The following GPD2 variants were observed in gnomAD, a reference collection of about 807,000 sequenced individuals.
GPD2 encodes the protein glycerol-3-phosphate dehydrogenase, mitochondrial.
In GPD2, 54 loss-of-function variants were observed where a neutral mutation model predicts 82.4. The observed-to-expected ratio is 0.66, with a 90% CI of 0.53 to 0.82. The LOEUF is 0.82. Ranked by LOEUF, GPD2 falls within the 40% of genes least tolerant of loss-of-function variation. The probability of loss-of-function intolerance (pLI) is 0.00; values close to 1 mark genes in which losing one functional copy is unlikely to be tolerated. For missense variants in GPD2, 748 were observed against 896.2 expected (o/e 0.83, Z 2.11); for synonymous variants, 288 against 306.1 (o/e 0.94, Z 0.62).
chr2:156,442,963 A>G (rs1682230311), intron 1 of GPD2, among the ~76,000 whole-genome samples: 1 of 152,184 alleles, frequency 6.6e-6, no homozygotes, highest in African/African-American at 2.4e-5. Flanking sequence ...GAATTAATTC[A>G]GAGACTCCTT....
chr2:156,569,255 T>C (rs1687514272), intron 10 of GPD2, 108 bp from the exon 11 acceptor site: 2 of 787,652 alleles, frequency 2.5e-6, no homozygotes, highest in Admixed American at 1.9e-5. Flanking sequence ...AATCCCATGT[T>C]TGTTACAAAC....
the GPD2 span, among the ~76,000 whole-genome samples, chr2:156,418,964 A>G: frequency 4.0e-5 from 6 of 151,662 alleles, no homozygotes; most frequent in African/African-American, 1.5e-4. Context: ...TGGGGTGTGA[A>G]GTAGGGGCAG....
intron 1 of GPD2, among the ~76,000 whole-genome samples, chr2:156,443,508 G>T (rs1044711213): frequency 6.6e-6 from 1 of 152,128 alleles, no homozygotes; most frequent in Non-Finnish European, 1.5e-5. Context: ...TGTATTTCAG[G>T]TAATCTATTC....
At chr2:156,437,786 A>T (rs1384559689) in intron 1 of GPD2, among the ~76,000 whole-genome samples, 1 of 152,164 alleles carries the variant, frequency 6.6e-6, no homozygotes, top group Non-Finnish European at 1.5e-5. Context: ...TCAAAGATGC[A>T]ATGGCTTGGT....
At chr2:156,522,409 A>G (rs996046605) in intron 6 of GPD2, among the ~76,000 whole-genome samples, 1 of 152,206 alleles carries the variant, frequency 6.6e-6, no homozygotes, top group Non-Finnish European at 1.5e-5. Context: ...TTGTTTGAAC[A>G]GATAGTTCTA....
the GPD2 span, among the ~76,000 whole-genome samples, chr2:156,408,445 G>C: frequency 6.6e-6 from 1 of 152,126 alleles, no homozygotes; most frequent in East Asian, 1.9e-4. Flanking sequence ...CTGACTGCAG[G>C]CTGGGTGCAG....
chr2:156,434,470 A>G (rs1248641761), upstream of GPD2, among the ~76,000 whole-genome samples: 1 of 152,166 alleles, frequency 6.6e-6, no homozygotes, highest in Non-Finnish European at 1.5e-5. Context: ...ATTTACATAA[A>G]AAAACAAACT....
At chr2:156,512,625 G>C (rs1229771486) in intron 5 of GPD2, among the ~76,000 whole-genome samples, 2 of 152,178 alleles carry the variant, frequency 1.3e-5, no homozygotes, top group Non-Finnish European at 2.9e-5. Context: ...AGGAACATAA[G>C]AGGATCATGT....
intron 9 of GPD2, among the ~76,000 whole-genome samples, chr2:156,565,713 G>A (rs1687363953): frequency 6.6e-6 from 1 of 152,044 alleles, no homozygotes; most frequent in Admixed American, 6.6e-5. Flanking sequence ...AGTAAAATAT[G>A]CCAGATTAAC....
At chr2:156,488,344 GTTAGTCTTTT>G (rs1684022724) in intron 2 of GPD2, among the ~76,000 whole-genome samples, 1 of 152,102 alleles carries the variant, frequency 6.6e-6, no homozygotes. Flanking sequence ...TATAAATATG[GTTAGTCTTTT>G]TTAGTGACAA....
Position 156,583,768 on chromosome 2 carries a change from G to T in GPD2, c.*850G>T, listed in dbSNP as rs1439769806. 6.6e-6 allele frequency: 1 copy of T among 152,386 alleles called. No homozygotes were observed. The highest frequency in any genetic ancestry group is 1.5e-5 in the Non-Finnish European group (1 of 67,976). The allele number at this position is 152,386 out of a possible 1,614,324, so 9.4% of individuals were successfully genotyped here. A position where few individuals can be genotyped will look rare whatever the true frequency, so the allele number is the denominator to read the frequency against. On this transcript the variant is annotated 3_prime_UTR_variant, in exon 17 of 17. Transcript: ENST00000438166. ...TTAAGTGGCAATTTGGATGTAATAG[G>T]ATGAGACCAAATTTATCTAATTATT...
chr2:156,472,862 G>A (rs1170933842), intron 1 of GPD2, among the ~76,000 whole-genome samples: 1 of 152,128 alleles, frequency 6.6e-6, no homozygotes, highest in Non-Finnish European at 1.5e-5. Flanking sequence ...ACTCAGTCTT[G>A]TTTTCTCACT....
chr2:156,523,673 G>GATAGATAGATAGATAGATAC (rs1685498944), intron 6 of GPD2, among the ~76,000 whole-genome samples: 2 of 107,152 alleles, frequency 1.9e-5, no homozygotes, highest in African/African-American at 7.7e-5. Context: ...TTCTTTTCTA[G>GATAGATAGATAGATAGATAC]ATAGATAGAT....
the GPD2 span, among the ~76,000 whole-genome samples, chr2:156,403,438 A>C: frequency 6.6e-6 from 1 of 152,144 alleles, no homozygotes; most frequent in Non-Finnish European, 1.5e-5. Context: ...AGCTGCCCCA[A>C]CCATCCTATG....
intron 1 of GPD2, among the ~76,000 whole-genome samples, chr2:156,460,952 T>C (rs548516): frequency 0.32 from 48,609 of 152,028 alleles, 9,217 homozygotes; most frequent in Non-Finnish European, 0.44. Context: ...TGTCCTTTTT[T>C]CTATACTTGC....
intron 9 of GPD2, among the ~76,000 whole-genome samples, chr2:156,562,242 T>C (rs1455331401): frequency 1.3e-5 from 2 of 152,324 alleles, no homozygotes; most frequent in East Asian, 3.9e-4. Context: ...TTAGTAGTGT[T>C]TATAGATTGC....
the GPD2 span, among the ~76,000 whole-genome samples, chr2:156,411,283 T>G: frequency 6.6e-6 from 1 of 152,162 alleles, no homozygotes; most frequent in Non-Finnish European, 1.5e-5. Flanking sequence ...TGTATAACTT[T>G]CCAGTCACAT....
chr2:156,474,635 T>G (rs1207473291), intron 1 of GPD2, among the ~76,000 whole-genome samples: 1 of 152,154 alleles, frequency 6.6e-6, no homozygotes, highest in Non-Finnish European at 1.5e-5. Context: ...CGTTTAACAG[T>G]AAAAGCGGAC....
At chr2:156,560,013 A>G (rs1687110536) in intron 9 of GPD2, among the ~76,000 whole-genome samples, 1 of 152,210 alleles carries the variant, frequency 6.6e-6, no homozygotes, top group Non-Finnish European at 1.5e-5. Context: ...CTGGGCCTGA[A>G]GATCAGGAAG....
Sources: allele counts gnomAD v4.1 joint callset (sites outside exome capture counted in the v4.1 genomes callset), GRCh38; gene constraint gnomAD v4.1.1; transcripts MANE v1.5; gene names NCBI Gene and HGNC (gene_info 2026-07-23, HGNC 2026-07-21).